JHY: variants seen among roughly 807,000 people sequenced by gnomAD.
The protein encoded by JHY is junctional cadherin complex regulator.
Under a neutral mutation model 78.0 loss-of-function variants are expected in JHY, and 69 were observed. The observed-to-expected ratio is 0.88, with a 90% CI of 0.73 to 1.08. The LOEUF (loss-of-function observed/expected upper bound fraction) is 1.08. JHY is among the 50% of genes least tolerant of loss of function. The pLI is 0.00. For synonymous variants in JHY, 368 were observed against 342.6 expected, an observed-to-expected ratio of 1.07 and a Z score of -0.82; for missense variants, 944 against 927.8, an observed-to-expected ratio of 1.02 and a Z score of -0.23.
At chr11:122,903,851 A>T (rs1016949667) in intron 2 of JHY, 74 bp from the exon 3 acceptor site, 23 of 1,488,898 alleles carry the variant, frequency 1.5e-5, no homozygotes, top group Admixed American at 2.3e-5. Context: ...GATTTCAAAT[A>T]AAATGTTCAA....
At chr11:122,910,068 C>T (rs955126007) in intron 3 of JHY, among the ~76,000 whole-genome samples, 7 of 151,718 alleles carry the variant, frequency 4.6e-5, no homozygotes, top group South Asian at 2.1e-4. Context: ...TACATCCATA[C>T]GGTAGAGTAC....
intron 6 of JHY, among the ~76,000 whole-genome samples, chr11:122,948,917 G>A (rs924891122): frequency 2.0e-5 from 3 of 151,838 alleles, no homozygotes; most frequent in African/African-American, 7.3e-5. Context: ...AACCCCGTCT[G>A]TACTAAAAAT....
intron 2 of JHY, 30 bp from the exon 3 acceptor site, chr11:122,903,895 G>A: frequency 6.5e-7 from 1 of 1,531,482 alleles, no homozygotes; most frequent in Non-Finnish European, 8.8e-7. Context: ...TTCAACTAAG[G>A]ACTTGGCATT....
chr11:122,926,187 C>CAAAAAAAAAAAAAAAAAAAA, intron 4 of JHY, among the ~76,000 whole-genome samples: 1 of 40,060 alleles, frequency 2.5e-5, no homozygotes, highest in Admixed American at 3.0e-4. Context: ...GACTCCATCT[C>CAAAAAAAAAAAAAAAAAAAA]AAAAAAAAAA....
rs1864273819 is a variant in JHY at position 122,959,796 on chromosome 11, G to A, written c.*351G>A. 2 of 176,538 alleles carry A rather than the reference G, an allele frequency of 1.1e-5. No individual in the cohort carries two copies. The highest frequency in any genetic ancestry group is 2.4e-5 in the Non-Finnish European group (2 of 84,818). 10.9% of individuals were successfully genotyped at this position (176,538 alleles called of 1,614,324 possible). A position where few individuals can be genotyped will look rare whatever the true frequency, so the allele number is the denominator to read the frequency against. Reference sequence around the variant, plus strand: ...TTAAAGTTACCCAGAAATAAATGTAGCTGTGTTTCTCTCTTACCTTCCTAG... The same window carrying A: ...TTAAAGTTACCCAGAAATAAATGTAACTGTGTTTCTCTCTTACCTTCCTAG... On this transcript the variant is annotated 3_prime_UTR_variant, in exon 9 of 9. Coordinates refer to ENST00000227349, the MANE Select transcript of JHY (RefSeq NM_024806.4).
intron 2 of JHY, among the ~76,000 whole-genome samples, chr11:122,899,462 A>G (rs1402428633): frequency 1.3e-5 from 2 of 152,242 alleles, no homozygotes; most frequent in African/African-American, 2.4e-5. Flanking sequence ...CTAATGCAAG[A>G]AGCCTTTACA....
chr11:122,958,445 T>C (rs1481693698), intron 8 of JHY, among the ~76,000 whole-genome samples: 1 of 152,216 alleles, frequency 6.6e-6, no homozygotes, highest in Non-Finnish European at 1.5e-5. Context: ...CCATTTTTTT[T>C]TCATGAAGAG....
intron 7 of JHY, 59 bp from the exon 8 acceptor site, chr11:122,957,304 T>C: frequency 6.8e-7 from 1 of 1,478,678 alleles, no homozygotes; most frequent in Admixed American, 2.9e-5. Flanking sequence ...TCGCTTTAAA[T>C]AGAGAGCAGA....
intron 4 of JHY, among the ~76,000 whole-genome samples, chr11:122,927,947 T>A (rs1591386822): frequency 6.6e-6 from 1 of 152,094 alleles, no homozygotes; most frequent in African/African-American, 2.4e-5. Context: ...GCCAGGCTGG[T>A]CTCGAACTCC....
chr11:122,919,430 G>A (rs965161867), intron 3 of JHY, among the ~76,000 whole-genome samples: 2 of 151,176 alleles, frequency 1.3e-5, no homozygotes, highest in Admixed American at 6.6e-5. Flanking sequence ...GGCAAAGAAT[G>A]GCCTATGCAA....
At position 122,958,601 on chromosome 11, in the gene JHY, T is replaced by G. The variant is rs577825179; in HGVS notation, c.2140-647T>G. On this transcript the variant is annotated intron_variant, in intron 8 of 8. Transcript: ENST00000227349. ...GCATACAATCCATTTGTATTTCAGCTATCAACAACATCTTACTAAAATGCA... is the reference window on the plus strand; with the variant it reads ...GCATACAATCCATTTGTATTTCAGCGATCAACAACATCTTACTAAAATGCA... 2.1e-5 allele frequency: 8 copies of G among 385,132 alleles called. No homozygotes were observed. The South Asian group carries it at 8.6e-4, about 41-fold the overall frequency. The allele number at this position is 385,132 out of a possible 1,614,324, so 23.9% of individuals were successfully genotyped here.
chr11:122,951,900 C>G (rs1341142107), intron 6 of JHY, among the ~76,000 whole-genome samples: 3 of 152,030 alleles, frequency 2.0e-5, no homozygotes, highest in African/African-American at 7.3e-5. Context: ...AGCAGCAAAT[C>G]TCATCAGGGA....
intron 3 of JHY, among the ~76,000 whole-genome samples, chr11:122,916,040 G>T (rs1003496758): frequency 2.0e-5 from 3 of 151,864 alleles, no homozygotes; most frequent in Non-Finnish European, 4.4e-5. Context: ...GGGTCTCGGG[G>T]GTAGGGAAGA....
intron 2 of JHY, among the ~76,000 whole-genome samples, chr11:122,890,106 A>G (rs1388797749): frequency 6.6e-6 from 1 of 151,842 alleles, no homozygotes; most frequent in Non-Finnish European, 1.5e-5. Context: ...ATATATATAA[A>G]TGAAAGAATT....
At chr11:122,888,615 T>C (rs184419395) in intron 2 of JHY, among the ~76,000 whole-genome samples, 41 of 152,190 alleles carry the variant, frequency 2.7e-4, no homozygotes, top group African/African-American at 9.2e-4. Flanking sequence ...CTTACTGCCA[T>C]ATTTGTTTCA....
rs151219058 is a variant in JHY, at chr11:122,935,066, A to G, written c.1625A>G (p.Glu542Gly). ...ACAGAGACAAAATACAGGAACTTAG[A>G]AATGTTATGGTAAGAATTCCCTTTT... ...PYTETKYRNL[E>G]MLWKFHSSSD... The change falls in exon 5 of 9, where the codon GAA (glutamate) becomes GGA (glycine). Residue 542 changes from glutamate to glycine, a missense_variant. By Grantham distance (98) the Glu-to-Gly change is moderately conservative. Coordinates refer to ENST00000227349, the MANE Select transcript of JHY (RefSeq NM_024806.4). This position sits in a 1 kb window ranked among gnomAD's most constrained non-coding sequence, Gnocchi z 4.5. 9 of 1,568,014 alleles carry G rather than the reference A, an allele frequency of 5.7e-6. No individual in the cohort carries two copies. The highest frequency in any genetic ancestry group is 7.8e-6 in the Non-Finnish European group (9 of 1,160,512).
intron 4 of JHY, among the ~76,000 whole-genome samples, chr11:122,928,382 T>A (rs1000943347): frequency 1.3e-5 from 2 of 152,144 alleles, no homozygotes; most frequent in Non-Finnish European, 2.9e-5. Flanking sequence ...TTGAAAATTT[T>A]TTCTTGAAAA....
In JHY at chr11:122,957,427, T is replaced by A. The variant is rs1864215660; in HGVS notation, c.2075T>A (p.Leu692Gln). The change falls in exon 8 of 9, where the codon CTA (leucine) becomes CAA (glutamine). Residue 692 changes from leucine to glutamine, a missense_variant. Coordinates refer to ENST00000227349, the MANE Select transcript of JHY (RefSeq NM_024806.4). Reference sequence around the variant, plus strand: ...GTCAAGGAGTACAACATGAAGACACTATCCATTCTATCAAAACCACAAACA... The same window carrying A: ...GTCAAGGAGTACAACATGAAGACACAATCCATTCTATCAAAACCACAAACA... Reference protein sequence around the residue: ...KQVKEYNMKTLSILSKPQTEK... With the variant: ...KQVKEYNMKTQSILSKPQTEK... 6.5e-7 allele frequency: 1 copy of A among 1,536,524 alleles called. No homozygotes were observed. Among genetic ancestry groups the A allele is most frequent in the East Asian group, 2.6e-5 (1 of 39,214 alleles).
At chr11:122,927,458 G>A (rs964559706) in intron 4 of JHY, among the ~76,000 whole-genome samples, 3 of 152,162 alleles carry the variant, frequency 2.0e-5, no homozygotes, top group Admixed American at 2.0e-4. Flanking sequence ...TTTGTGGACT[G>A]CCCACTGCAT....
Sources: allele counts gnomAD v4.1 joint callset (sites outside exome capture counted in the v4.1 genomes callset), GRCh38; gene constraint gnomAD v4.1.1; non-coding constraint Gnocchi (gnomAD v3.1); transcripts MANE v1.5; gene names NCBI Gene and HGNC (gene_info 2026-07-23, HGNC 2026-07-21).